Variants in SLC44A1 observed in about 807,000 individuals in gnomAD.
SLC44A1 encodes the protein solute carrier family 44 member 1.
Under a neutral mutation model 79.3 loss-of-function variants are expected in SLC44A1, and 26 were observed. The observed-to-expected ratio is 0.33, with a 90% confidence interval of 0.24 to 0.46. The LOEUF (loss-of-function observed/expected upper bound fraction) is 0.46. Among genes scored for constraint, SLC44A1 ranks in the 20% least tolerant of loss-of-function variants. The probability of loss-of-function intolerance (pLI) is 1.00; values close to 1 mark genes in which losing one functional copy is unlikely to be tolerated. For synonymous variants in SLC44A1, 263 were observed against 286.2 expected (o/e 0.92, Z 0.82); for missense variants, 688 against 798.1 (o/e 0.86, Z 1.66).
intron 15 of SLC44A1, among the ~76,000 whole-genome samples, chr9:105,404,477 AT>A (rs1829003052): frequency 6.6e-6 from 1 of 152,334 alleles, no homozygotes; most frequent in Admixed American, 6.5e-5. Flanking sequence ...AAGAGACAAG[AT>A]AAAATAACAG....
At chr9:105,433,768 AG>A (rs1829429496) in intron 15 of SLC44A1, among the ~76,000 whole-genome samples, 1 of 152,178 alleles carries the variant, frequency 6.6e-6, no homozygotes, top group African/African-American at 2.4e-5. Context: ...ATGCTCACAC[AG>A]GGGGTTCTCT....
chr9:105,428,417 T>C (rs958886678), intron 15 of SLC44A1, among the ~76,000 whole-genome samples: 1 of 152,238 alleles, frequency 6.6e-6, no homozygotes, highest in Admixed American at 6.5e-5. Flanking sequence ...TTTTGTCACA[T>C]GGAGTAGATC....
chr9:105,374,280 A>T (rs1828206713), intron 12 of SLC44A1, among the ~76,000 whole-genome samples: 1 of 152,232 alleles, frequency 6.6e-6, no homozygotes, highest in African/African-American at 2.4e-5. Context: ...ACCCTGAGAC[A>T]TCTAGGAAAG....
Position 105,393,490 on chromosome 9 carries a change from TC to T in SLC44A1, c.*4436del. On this transcript the variant is annotated 3_prime_UTR_variant, in exon 16 of 16. Coordinates refer to ENST00000374720, the MANE Select transcript of SLC44A1 (RefSeq NM_080546.5). ...ATACATTTGAGCCAAATTCTTATAC[TC>T]CATGTTTTAATTTTAAAAGGATAAT... 1 of 944,330 alleles carries T rather than the reference TC, an allele frequency of 1.1e-6. No individual in the cohort carries two copies. Among genetic ancestry groups the T allele is most frequent in the South Asian group, 4.9e-5 (1 of 20,396 alleles). The allele number at this position is 944,330 out of a possible 1,614,324, so 58.5% of individuals were successfully genotyped here. A position where few individuals can be genotyped will look rare whatever the true frequency, so the allele number is the denominator to read the frequency against.
chr9:105,268,324 C>A (rs1051366118), intron 1 of SLC44A1, among the ~76,000 whole-genome samples: 1 of 152,078 alleles, frequency 6.6e-6, no homozygotes, highest in Non-Finnish European at 1.5e-5. Flanking sequence ...TCAGCTTTTT[C>A]GAGTGTACTA....
At chr9:105,407,272 A>G (rs1446784288) in intron 15 of SLC44A1, among the ~76,000 whole-genome samples, 2 of 152,200 alleles carry the variant, frequency 1.3e-5, no homozygotes, top group African/African-American at 4.8e-5. Context: ...TGAAGAAATA[A>G]TGGTTGAAAA....
intron 15 of SLC44A1, among the ~76,000 whole-genome samples, chr9:105,407,440 C>T (rs1421134715): frequency 6.6e-6 from 1 of 152,168 alleles, no homozygotes; most frequent in Non-Finnish European, 1.5e-5. Flanking sequence ...AAGCAGCTCA[C>T]TACATATAAG....
chr9:105,415,896 ATTTTTTT>A (rs10592448), intron 15 of SLC44A1, among the ~76,000 whole-genome samples: 50 of 117,950 alleles, frequency 4.2e-4, no homozygotes, highest in African/African-American at 5.6e-4. Flanking sequence ...GATTGACTGA[ATTTTTTT>A]TTTTTTTTTT....
chr9:105,265,480 T>C (rs1276705427), intron 1 of SLC44A1, among the ~76,000 whole-genome samples: 1 of 152,276 alleles, frequency 6.6e-6, no homozygotes, highest in Non-Finnish European at 1.5e-5. Flanking sequence ...AGTTTGTTTT[T>C]ATGGCTAAGT....
At position 105,258,067 on chromosome 9, in the gene SLC44A1, G is replaced by A. The variant is rs982368585; in HGVS notation, c.36+13163G>A. 7.2e-4 allele frequency among the ~76,000 whole-genome samples: 110 copies of A among 152,196 alleles called. 1 individual carries two copies. The highest frequency in any genetic ancestry group is 7.2e-3 in the Admixed American group (110 of 15,270). ...GGAAACAGAGAAGAGTTATTGTGGA[G>A]TCAAAATAAAATAGACCTTCCTGAC... On this transcript the variant is annotated intron_variant, in intron 1 of 15. Transcript: ENST00000374720.
At chr9:105,252,720 T>C (rs75106836) in intron 1 of SLC44A1, among the ~76,000 whole-genome samples, 2,571 of 152,354 alleles carry the variant, frequency 0.017, 64 homozygotes, top group African/African-American at 0.058. Flanking sequence ...GTGAAAAATT[T>C]AAGTCATTAA....
At chr9:105,382,715 A>G (rs941338189) in intron 13 of SLC44A1, among the ~76,000 whole-genome samples, 30 of 152,102 alleles carry the variant, frequency 2.0e-4, no homozygotes, top group Non-Finnish European at 1.3e-4. Context: ...ACTATTTCAT[A>G]TATGTGAAAA....
intron 1 of SLC44A1, among the ~76,000 whole-genome samples, chr9:105,285,199 G>A (rs1830446645): frequency 6.6e-6 from 1 of 152,074 alleles, no homozygotes; most frequent in South Asian, 2.1e-4. Flanking sequence ...TAGCAAAGTA[G>A]CACTTTAAGT....
intron 1 of SLC44A1, among the ~76,000 whole-genome samples, chr9:105,248,719 G>A (rs1224659211): frequency 6.6e-6 from 1 of 152,138 alleles, no homozygotes; most frequent in Non-Finnish European, 1.5e-5. Flanking sequence ...TCCTCCCTAA[G>A]GCTCTTAAAA....
chr9:105,424,964 A>AAAGAAAG (rs199543321), intron 15 of SLC44A1, among the ~76,000 whole-genome samples: 10 of 148,206 alleles, frequency 6.7e-5, no homozygotes, highest in African/African-American at 2.6e-4. Context: ...AAAAAAAAAG[A>AAAGAAAG]AAAGAAAGAA....
intron 1 of SLC44A1, among the ~76,000 whole-genome samples, chr9:105,281,072 A>ATAG (rs1830338771): frequency 6.6e-6 from 1 of 152,230 alleles, no homozygotes; most frequent in African/African-American, 2.4e-5. Context: ...GAAGCATAAG[A>ATAG]TAGACATAAC....
chr9:105,385,629 CTCTT>C (rs1828608626), intron 15 of SLC44A1, 127 bp downstream of exon 15: 17 of 1,455,170 alleles, frequency 1.2e-5, no homozygotes, highest in Non-Finnish European at 1.4e-5. Flanking sequence ...GGACATGCTG[CTCTT>C]TCTGTTTGTG....
Position 105,316,769 on chromosome 9 carries a change from A to T in SLC44A1, c.269+6903A>T, listed in dbSNP as rs537554556. ...CTAACAGCAGGCTGGTGGGGAGAGG[A>T]AAAGAAGGCAATTTGGTGATAGTAC... On this transcript the variant is annotated intron_variant, in intron 3 of 15. Transcript: ENST00000374720. 2.9e-4 allele frequency among the ~76,000 whole-genome samples: 44 copies of T among 152,300 alleles called. No homozygotes were observed. The South Asian group carries it at 5.0e-3, about 17-fold the overall frequency.
chr9:105,310,484 A>G (rs1831149047), intron 3 of SLC44A1, among the ~76,000 whole-genome samples: 2 of 152,152 alleles, frequency 1.3e-5, no homozygotes, highest in Admixed American at 1.3e-4. Flanking sequence ...AGCATATTTT[A>G]TGTATGATGC....
Sources: allele counts gnomAD v4.1 joint callset (sites outside exome capture counted in the v4.1 genomes callset), GRCh38; gene constraint gnomAD v4.1.1; transcripts MANE v1.5; gene names NCBI Gene and HGNC (gene_info 2026-07-23, HGNC 2026-07-21).